Variants in SRPK2 observed in about 807,000 individuals in gnomAD.
SRPK2 encodes the protein SRSF protein kinase 2.
Under a neutral mutation model 90.8 loss-of-function variants are expected in SRPK2, and 21 were observed. That is an observed-to-expected ratio of 0.23 (90% CI 0.16 to 0.33). SRPK2 has a LOEUF of 0.33. Among genes scored for constraint, SRPK2 ranks in the 10% least tolerant of loss-of-function variants. The pLI, the probability that SRPK2 is intolerant of heterozygous loss-of-function variation, is 1.00. For synonymous variants in SRPK2, 288 were observed against 311.1 expected, an observed-to-expected ratio of 0.93 and a Z score of 0.78; for missense variants, 620 against 869.0, an observed-to-expected ratio of 0.71 and a Z score of 3.60.
chr7:105,225,102 GGATCACTTGAGCCCAGGAGGTTTA>G (rs1798557203), intron 2 of SRPK2, among the ~76,000 whole-genome samples: 1 of 152,112 alleles, frequency 6.6e-6, no homozygotes, highest in African/African-American at 2.4e-5. Flanking sequence ...TGAGGTGGGA[GGATCACTTGAGCCCAGGAGGTTTA>G]GATCACTTGA....
At chr7:105,396,067 C>T (rs1379660506) in intron 1 of SRPK2, among the ~76,000 whole-genome samples, 1 of 151,996 alleles carries the variant, frequency 6.6e-6, no homozygotes, top group African/African-American at 2.4e-5. Context: ...AGGCATGCGC[C>T]ACCACACCTG....
At chr7:105,161,548 G>A (rs919235917) in intron 6 of SRPK2, among the ~76,000 whole-genome samples, 4 of 152,106 alleles carry the variant, frequency 2.6e-5, no homozygotes, top group Admixed American at 2.6e-4. Context: ...AGGTGGCTGA[G>A]CCACTACTCA....
chr7:105,313,319 C>T (rs957388076), intron 2 of SRPK2, among the ~76,000 whole-genome samples: 1 of 151,356 alleles, frequency 6.6e-6, no homozygotes, highest in African/African-American at 2.4e-5. Flanking sequence ...TGGTGATGCG[C>T]ACCTGTAATC....
intron 2 of SRPK2, among the ~76,000 whole-genome samples, chr7:105,379,143 G>C (rs989931473): frequency 2.0e-5 from 3 of 150,834 alleles, no homozygotes; most frequent in Non-Finnish European, 4.4e-5. Flanking sequence ...GCAAGACCCA[G>C]TCTCTAAAAA....
chr7:105,229,591 G>A (rs1368186463), intron 2 of SRPK2, among the ~76,000 whole-genome samples: 1 of 152,038 alleles, frequency 6.6e-6, no homozygotes, highest in Non-Finnish European at 1.5e-5. Context: ...CTCTCCTTCC[G>A]CAGTGCCCAC....
intron 1 of SRPK2, among the ~76,000 whole-genome samples, chr7:105,396,673 G>A (rs1822330456): frequency 6.8e-6 from 1 of 147,102 alleles, no homozygotes; most frequent in East Asian, 2.1e-4. Context: ...AAGAAGAAGA[G>A]GAAGAAGAAT....
At chr7:105,250,717 T>A (rs955941738) in intron 2 of SRPK2, among the ~76,000 whole-genome samples, 3 of 152,206 alleles carry the variant, frequency 2.0e-5, no homozygotes, top group Non-Finnish European at 2.9e-5. Flanking sequence ...CTTGTACTGA[T>A]CTAAAAGCTC....
chr7:105,186,067 T>C (rs1021854709), intron 3 of SRPK2, among the ~76,000 whole-genome samples: 2 of 152,250 alleles, frequency 1.3e-5, no homozygotes, highest in African/African-American at 2.4e-5. Context: ...ACTTTAGGTT[T>C]AATGTCTGCA....
chr7:105,238,971 G>A (rs1800470769), intron 2 of SRPK2, among the ~76,000 whole-genome samples: 1 of 152,146 alleles, frequency 6.6e-6, no homozygotes, highest in South Asian at 2.1e-4. Flanking sequence ...GAGTCATTAG[G>A]CCGGGGCAGC....
chr7:105,293,486 T>G (rs964125062), intron 2 of SRPK2, among the ~76,000 whole-genome samples: 1 of 151,960 alleles, frequency 6.6e-6, no homozygotes, highest in Non-Finnish European at 1.5e-5. Flanking sequence ...TTTGCAACCT[T>G]CCCCCTCCAC....
intron 13 of SRPK2, among the ~76,000 whole-genome samples, chr7:105,129,153 C>T (rs1340165751): frequency 2.6e-5 from 4 of 152,126 alleles, no homozygotes; most frequent in Non-Finnish European, 5.9e-5. Context: ...GGGATTTCAC[C>T]ATGTTAGCCT....
chr7:105,224,565 C>T lies in SRPK2; in HGVS notation c.72-20780G>A, dbSNP rs1472122763. 2.0e-5 allele frequency among the ~76,000 whole-genome samples: 3 copies of T among 152,068 alleles called. No individual in the cohort carries two copies. The East Asian group carries it at 5.8e-4, about 29-fold the overall frequency. ...TGGAGGTGGCAATGAGCTGAGATCCCACGACTGCACTCCAGCCTGGGCAAC... is the reference window on the plus strand; with the variant it reads ...TGGAGGTGGCAATGAGCTGAGATCCTACGACTGCACTCCAGCCTGGGCAAC... On this transcript the variant is annotated intron_variant, in intron 2 of 15. Coordinates refer to ENST00000393651, the MANE Select transcript of SRPK2 (RefSeq NM_182692.3).
At chr7:105,311,090 C>T (rs1208676616) in intron 2 of SRPK2, among the ~76,000 whole-genome samples, 5 of 151,662 alleles carry the variant, frequency 3.3e-5, no homozygotes. Context: ...AAGGACATTA[C>T]CAAAAAAGTG....
intron 7 of SRPK2, among the ~76,000 whole-genome samples, chr7:105,151,102 T>TA (rs1174997901): frequency 2.9e-4 from 44 of 152,076 alleles, no homozygotes; most frequent in South Asian, 1.0e-3. Context: ...AGATTTTTTT[T>TA]AAAAAAAATT....
chr7:105,141,982 G>A, intron 11 of SRPK2, 26 bp downstream of exon 11: 7 of 1,582,196 alleles, frequency 4.4e-6, no homozygotes, highest in Non-Finnish European at 6.0e-6. Context: ...AGCGATGGCA[G>A]ACAGTTGATG....
In SRPK2 at chr7:105,256,578, GA is replaced by G. The variant is rs1302443090; in HGVS notation, c.72-52794del. 3.3e-4 allele frequency among the ~76,000 whole-genome samples: 50 copies of G among 152,030 alleles called. 1 individual carries two copies. The highest frequency in any genetic ancestry group is 3.3e-3 in the Admixed American group (50 of 15,274). On this transcript the variant is annotated intron_variant, in intron 2 of 15. Coordinates refer to ENST00000393651, the MANE Select transcript of SRPK2 (RefSeq NM_182692.3). ...TTGGTATGTTGCATGGGTTGGTTTT[GA>G]ACTCCTGGCCTCAAGCAATCCTCCC...
At chr7:105,376,105 C>T (rs1384311096) in intron 2 of SRPK2, among the ~76,000 whole-genome samples, 1 of 143,648 alleles carries the variant, frequency 7.0e-6, no homozygotes, top group Admixed American at 7.5e-5. Context: ...CACCATTCTC[C>T]TGCCTCAGCC....
intron 2 of SRPK2, chr7:105,245,114 T>G (rs1041252723): frequency 9.9e-6 from 6 of 605,706 alleles, no homozygotes; most frequent in African/African-American, 1.9e-5. Context: ...GGGAAAGAAA[T>G]AAAAATCTTT....
chr7:105,269,120 T>G, intron 2 of SRPK2: 1 of 1,108,786 alleles, frequency 9.0e-7, no homozygotes, highest in Middle Eastern at 4.2e-4. Context: ...GAGGGGTGTT[T>G]TCTTTTTTAA....
Sources: allele counts gnomAD v4.1 joint callset (sites outside exome capture counted in the v4.1 genomes callset), GRCh38; gene constraint gnomAD v4.1.1; transcripts MANE v1.5; gene names NCBI Gene and HGNC (gene_info 2026-07-23, HGNC 2026-07-21).